HSF1: variants seen among roughly 807,000 people sequenced by gnomAD.
HSF1 encodes the protein heat shock transcription factor 1, also known as heat shock factor protein 1.
In HSF1, 32 loss-of-function variants were observed where a neutral mutation model predicts 51.7. That is an observed-to-expected ratio of 0.62 (90% CI 0.47 to 0.83). HSF1 has a LOEUF of 0.83. Among genes scored for constraint, HSF1 ranks in the 40% least tolerant of loss-of-function variants. The probability of loss-of-function intolerance (pLI) is 0.00; values close to 1 mark genes in which losing one functional copy is unlikely to be tolerated. For synonymous variants in HSF1, 396 were observed against 309.7 expected (o/e 1.28, Z -2.92); for missense variants, 727 against 717.0 (o/e 1.01, Z -0.16).
intron 9 of HSF1, chr8:144,312,785 G>A: frequency 5.2e-6 from 7 of 1,351,518 alleles, no homozygotes; most frequent in Non-Finnish European, 7.1e-6. Context: ...CCGTGGACCA[G>A]ACCCAGCCTG....
chr8:144,309,943 A>C (rs782604501), intron 4 of HSF1, 47 bp downstream of exon 4: 1 of 1,589,614 alleles, frequency 6.3e-7, no homozygotes, highest in African/African-American at 1.3e-5. Flanking sequence ...CCTGGCGCCC[A>C]CCAAGAGGCC....
rs782430263 is a variant in HSF1, at chr8:144,309,796, A to C, written c.388A>C (p.Ile130Leu). The part of the protein sequence containing the change: ...TSVSTLKSED[I>L]KIRQDSVTKL... ...GGTGTCCACCCTGAAGAGTGAAGAC[A>C]TAAAGATCCGCCAGGACAGCGTCAC... is the stretch of plus-strand genomic sequence containing the variant. The change falls in exon 4 of 13, where the codon ATA (isoleucine) becomes CTA (leucine). Residue 130 changes from isoleucine to leucine, a missense_variant. Transcript: ENST00000528838. The C allele has an allele frequency of 6.2e-7, 1 of 1,613,822 alleles. No homozygotes were observed. Among genetic ancestry groups the C allele is most frequent in the Admixed American group, 1.7e-5 (1 of 60,020 alleles).
intron 1 of HSF1, among the ~76,000 whole-genome samples, chr8:144,304,477 G>A (rs1009970261): frequency 2.0e-5 from 3 of 152,110 alleles, no homozygotes; most frequent in African/African-American, 7.2e-5. Context: ...ATGGGGTCTC[G>A]CTATGTTGCC....
At chr8:144,310,771 G>C (rs926514568) in intron 4 of HSF1, 17 of 254,294 alleles carry the variant, frequency 6.7e-5, no homozygotes, top group Middle Eastern at 1.4e-3. Context: ...ACAGGACATG[G>C]GACAGCCAGT....
intron 9 of HSF1, chr8:144,312,766 C>T (rs1265770748): frequency 6.9e-7 from 1 of 1,455,604 alleles, no homozygotes; most frequent in Non-Finnish European, 9.3e-7. Context: ...CTCGGGCCCT[C>T]CCACACAGCC....
chr8:144,302,567 C>G (rs894404757), intron 1 of HSF1, among the ~76,000 whole-genome samples: 8 of 151,582 alleles, frequency 5.3e-5, no homozygotes, highest in Admixed American at 1.3e-4. Context: ...GTAGCTGACA[C>G]CTGTAATCCC....
At chr8:144,310,498 G>A (rs753506984) in intron 4 of HSF1, 10 of 155,308 alleles carry the variant, frequency 6.4e-5, no homozygotes, top group Admixed American at 1.3e-4. Context: ...CCTCGGCTCC[G>A]TGCAGCAGGC....
Position 144,313,625 on chromosome 8 carries a change from A to AGCCCCGCG in HSF1, c.1248+16_1248+17insGGCCCCGC, listed in dbSNP as rs782579741. 1.4e-6 allele frequency: 2 copies of AGCCCCGCG among 1,456,162 alleles called. No homozygotes were observed. The highest frequency in any genetic ancestry group is 3.4e-5 in the African/African-American group (2 of 59,576). 90.2% of individuals were successfully genotyped at this position (1,456,162 alleles called of 1,614,324 possible). A position where few individuals can be genotyped will look rare whatever the true frequency, so the allele number is the denominator to read the frequency against. Reference sequence around the variant, plus strand: ...CCAGTGCCCTGCTGGACGTGAGTGGAGCCCCGCCGCCCCGCCTCCCCGCCC... The same window carrying AGCCCCGCG: ...CCAGTGCCCTGCTGGACGTGAGTGGAGCCCCGCGGCCCCGCCGCCCCGCCTCCCCGCCC... On this transcript the variant is annotated intron_variant, in intron 10 of 12. Transcript: ENST00000528838.
chr8:144,312,153 GCCAGGGGCCACACGGACA>G lies in HSF1; in HGVS notation c.1054_1071del (p.Arg352_Thr357del). 6.2e-7 allele frequency: 1 copy of G among 1,611,142 alleles called. No individual in the cohort carries two copies. The highest frequency in any genetic ancestry group is 8.5e-7 in the Non-Finnish European group (1 of 1,179,372). On this transcript the variant is annotated inframe_deletion, in exon 9 of 13. Transcript: ENST00000528838. ...CGCCTCCGTCACAGCCCTCACGGAC[GCCAGGGGCCACACGGACA>G]CCGAGGGCCGGCCTCCCTCCCCCCC...
rs1554841428 is a variant in HSF1 at position 144,297,048 on chromosome 8, T to C, written c.117+5174T>C. Among the ~76,000 whole-genome samples, 1 of 152,086 alleles carries C rather than the reference T, an allele frequency of 6.6e-6. No homozygotes were observed. Among genetic ancestry groups the C allele is most frequent in the Non-Finnish European group, 1.5e-5 (1 of 68,020 alleles). On this transcript the variant is annotated intron_variant, in intron 1 of 12. Coordinates refer to ENST00000528838, the MANE Select transcript of HSF1 (RefSeq NM_005526.4). This position sits in a 1 kb window ranked among gnomAD's most constrained non-coding sequence, Gnocchi z 4.6. Reference sequence around the variant, plus strand: ...CCCAACTCCACAGGCTAGTGTTTGCTCAGTCCTTTATTGAGGGACCAGGGA... The same window carrying C: ...CCCAACTCCACAGGCTAGTGTTTGCCCAGTCCTTTATTGAGGGACCAGGGA...
intron 1 of HSF1, among the ~76,000 whole-genome samples, chr8:144,305,757 G>T (rs1179797840): frequency 3.0e-5 from 3 of 100,096 alleles, no homozygotes; most frequent in Non-Finnish European, 5.8e-5. Context: ...TTTTGAGACG[G>T]AGTCTCACTC....
chr8:144,313,959 C>A lies in HSF1; in HGVS notation c.1315-26C>A, dbSNP rs782445449. 3 of 1,610,516 alleles carry A rather than the reference C, an allele frequency of 1.9e-6. No homozygotes were observed. In the African/African-American group the frequency reaches 4.0e-5, roughly 22 times the overall value. ...AGGGGGAACGAGACCAGCGGGAGTG[C>A]TCACAATACCGTCTCCACCCCACAG... On this transcript the variant is annotated intron_variant, in intron 11 of 12. Transcript: ENST00000528838.
In HSF1 at chr8:144,307,090, G is replaced by A. The variant is rs537760001; in HGVS notation, c.118-1816G>A. ...ACGGGCACGGCTCACACGTGTACAC[G>A]GCTGCGAGATGTCCTGGAATATCTC... is the stretch of plus-strand genomic sequence containing the variant. On this transcript the variant is annotated intron_variant, in intron 1 of 12. Coordinates refer to ENST00000528838, the MANE Select transcript of HSF1 (RefSeq NM_005526.4). 7.5e-4 allele frequency among the ~76,000 whole-genome samples: 114 copies of A among 152,278 alleles called. No individual in the cohort carries two copies. The South Asian group carries it at 0.021, about 28-fold the overall frequency.
intron 4 of HSF1, 114 bp downstream of exon 4, chr8:144,310,010 C>A (rs1389681716): frequency 2.4e-6 from 3 of 1,272,048 alleles, no homozygotes; most frequent in Non-Finnish European, 2.2e-6. Context: ...TCCACCCTCC[C>A]GCTCCACGCA....
At chr8:144,294,414 C>G (rs1292955660) in intron 1 of HSF1, among the ~76,000 whole-genome samples, 1 of 152,232 alleles carries the variant, frequency 6.6e-6, no homozygotes, top group African/African-American at 2.4e-5. Flanking sequence ...TTGCTCTCTG[C>G]TGCCTTCTCT....
intron 1 of HSF1, among the ~76,000 whole-genome samples, chr8:144,296,484 T>C (rs1554841304): frequency 6.6e-6 from 1 of 152,124 alleles, no homozygotes; most frequent in Non-Finnish European, 1.5e-5. Context: ...CCATAGTGCC[T>C]CCTGGTGTGG....
chr8:144,312,465 C>G (rs1490903143), intron 9 of HSF1: 3 of 721,956 alleles, frequency 4.2e-6, no homozygotes, highest in Non-Finnish European at 7.0e-6. Flanking sequence ...GGCTGCCGGG[C>G]CCTGCTCTCA....
At chr8:144,313,683 C>CCGCCTCCCCGCG (rs1816918268) in intron 10 of HSF1, 67 bp downstream of exon 10, 2 of 75,584 alleles carry the variant, frequency 2.6e-5, no homozygotes, top group Admixed American at 2.0e-4. Flanking sequence ...GCCTCCCCGC[C>CCGCCTCCCCGCG]CCGCCTCCCC....
intron 9 of HSF1, chr8:144,312,709 A>G (rs782227352): frequency 6.5e-7 from 1 of 1,535,280 alleles, no homozygotes; most frequent in South Asian, 1.2e-5. Context: ...AAGTCCAGCC[A>G]GGGTTAGCGC....
Sources: gnomAD v4.1 joint callset for allele counts (sites outside exome capture counted in the v4.1 genomes callset) on GRCh38, gnomAD v4.1.1 for gene constraint, Gnocchi (gnomAD v3.1) non-coding constraint, MANE v1.5 for transcripts, NCBI Gene and HGNC (gene_info 2026-07-23, HGNC 2026-07-21) for gene names.